NPAS3: variants seen among roughly 807,000 people sequenced by gnomAD.
NPAS3 encodes neuronal PAS domain protein 3, also known as neuronal PAS domain-containing protein 3.
In NPAS3, 14 loss-of-function variants were observed where a neutral mutation model predicts 73.1. That is an observed-to-expected ratio of 0.19 (90% CI 0.13 to 0.30). The LOEUF (loss-of-function observed/expected upper bound fraction) is 0.30, where lower values mean the gene tolerates loss of function less well. Among genes scored for constraint, NPAS3 ranks in the 10% least tolerant of loss-of-function variants. NPAS3 has a pLI of 1.00. For missense variants in NPAS3, 1,096 were observed against 1,250.0 expected (o/e 0.88, Z 1.86); for synonymous variants, 620 against 541.5 (o/e 1.14, Z -2.01).
At chr14:33,801,404 T>A (rs1047569953), downstream of NPAS3, 29 of 446,398 alleles carry the variant, frequency 6.5e-5, no homozygotes, top group African/African-American at 3.4e-4. Context: ...ATGTCTTTCA[T>A]GTGTATATGC....
At chr14:33,014,632 T>G (rs2039329978) in intron 1 of NPAS3, among the ~76,000 whole-genome samples, 1 of 152,162 alleles carries the variant, frequency 6.6e-6, no homozygotes, top group Admixed American at 6.5e-5. Flanking sequence ...AGTAAATAAA[T>G]TTGTTGAACT....
chr14:33,137,326 G>C (rs2043877920), intron 2 of NPAS3, among the ~76,000 whole-genome samples: 1 of 152,128 alleles, frequency 6.6e-6, no homozygotes, highest in African/African-American at 2.4e-5. Context: ...CTTTGATGTA[G>C]CCTCTGGCAA....
rs371093255 is a variant in NPAS3, at chr14:33,705,514, G to A, written c.733+29129G>A. Among the ~76,000 whole-genome samples, 63 of 152,282 alleles carry A rather than the reference G, an allele frequency of 4.1e-4. No individual in the cohort carries two copies. The South Asian group carries it at 0.013, about 31-fold the overall frequency. ...AATCGGCTACTGTATTTAAATGGAA[G>A]AATGAAAAAGACTTTCTTTTGTTGC... On this transcript the variant is annotated intron_variant, in intron 6 of 11. Transcript: ENST00000356141.
chr14:33,151,452 C>T (rs147554965), intron 2 of NPAS3, among the ~76,000 whole-genome samples: 65 of 152,334 alleles, frequency 4.3e-4, no homozygotes, highest in African/African-American at 1.3e-3. Context: ...CAACGACTTC[C>T]GTCAGTTTGT....
chr14:33,299,767 T>TC (rs1315097714), intron 3 of NPAS3, among the ~76,000 whole-genome samples: 1 of 152,194 alleles, frequency 6.6e-6, no homozygotes, highest in Non-Finnish European at 1.5e-5. Context: ...CATTTTTTTT[T>TC]CTTTGGAGTG....
Position 33,194,365 on chromosome 14 carries a change from T to A in NPAS3, c.141-20817T>A, listed in dbSNP as rs531488744. ...TTCATTTACCCAAACTTAGAATACT[T>A]AGAGTTTGGGCCTTTTGGAACTTTG... is the stretch of plus-strand genomic sequence containing the variant. On this transcript the variant is annotated intron_variant, in intron 2 of 11. Coordinates refer to ENST00000356141, the Ensembl canonical transcript of NPAS3. Among the ~76,000 whole-genome samples the A allele has an allele frequency of 5.3e-4, 81 of 152,286 alleles. 2 individuals are homozygous for A. Among genetic ancestry groups the A allele is most frequent in the South Asian group, 4.6e-3 (22 of 4,824 alleles).
At chr14:33,605,319 G>T (rs150972289) in intron 5 of NPAS3, among the ~76,000 whole-genome samples, 1 of 150,016 alleles carries the variant, frequency 6.7e-6, no homozygotes, top group African/African-American at 2.4e-5. Flanking sequence ...TGCTCTTGCC[G>T]CTTTAATGTG....
At chr14:33,215,067 G>A (rs1283952636) in intron 2 of NPAS3, 115 bp from the exon 3 acceptor site, 1 of 1,111,074 alleles carries the variant, frequency 9.0e-7, no homozygotes, top group Non-Finnish European at 1.3e-6. Context: ...CTCTAGTTTT[G>A]AAATAGTTTT....
chr14:33,667,328 A>C (rs1328608217), intron 5 of NPAS3, among the ~76,000 whole-genome samples: 1 of 152,210 alleles, frequency 6.6e-6, no homozygotes, highest in East Asian at 1.9e-4. Context: ...AAAATGCCAG[A>C]TTACATGTGT....
intron 2 of NPAS3, among the ~76,000 whole-genome samples, chr14:33,170,495 TTTGAC>T (rs1367966382): frequency 6.6e-6 from 1 of 152,200 alleles, no homozygotes; most frequent in Non-Finnish European, 1.5e-5. Flanking sequence ...CATTGATTGA[TTTGAC>T]CTTTCATTAA....
intron 7 of NPAS3, among the ~76,000 whole-genome samples, chr14:33,755,880 G>A (rs1384971451): frequency 6.6e-6 from 1 of 152,094 alleles, no homozygotes; most frequent in East Asian, 1.9e-4. Context: ...TGATGCCATG[G>A]AAAGAGAGGA....
rs543700285 is a variant in NPAS3, at chr14:33,169,633, C to T, written c.141-45549C>T. On this transcript the variant is annotated intron_variant, in intron 2 of 11. Transcript: ENST00000356141. ...TAGTATTTTAAAATCTTTACCAATGCATTTCATTTTTGTTAGGATTTTATT... is the reference window on the plus strand; with the variant it reads ...TAGTATTTTAAAATCTTTACCAATGTATTTCATTTTTGTTAGGATTTTATT... 5.3e-5 allele frequency among the ~76,000 whole-genome samples: 8 copies of T among 152,246 alleles called. No individual in the cohort carries two copies. The South Asian group carries it at 6.2e-4, about 12-fold the overall frequency.
At chr14:33,427,742 A>G (rs1350596709) in intron 4 of NPAS3, among the ~76,000 whole-genome samples, 1 of 152,112 alleles carries the variant, frequency 6.6e-6, no homozygotes, top group Admixed American at 6.6e-5. Context: ...CTGTATTCCT[A>G]ACACTCAGAA....
rs562408643 is a variant in NPAS3 at position 33,680,601 on chromosome 14, A to G, written c.733+4216A>G. The G allele has an allele frequency of 1.0e-4, 71 of 702,692 alleles. 1 individual carries two copies. In the South Asian group the frequency reaches 1.1e-3, roughly 10 times the overall value. The allele number at this position is 702,692 out of a possible 1,614,324, so 43.5% of individuals were successfully genotyped here. On this transcript the variant is annotated intron_variant, in intron 6 of 11. Coordinates refer to ENST00000356141, the Ensembl canonical transcript of NPAS3. ...AAGATAAAATTCCCTTTCTGTCTCC[A>G]GTGGTTTGCTTCCCACCAGCGAGTG... is the stretch of plus-strand genomic sequence containing the variant.
At chr14:33,141,992 T>G in intron 2 of NPAS3, among the ~76,000 whole-genome samples, 1 of 152,166 alleles carries the variant, frequency 6.6e-6, no homozygotes, top group East Asian at 1.9e-4. Flanking sequence ...TGAAAATCAC[T>G]TAATATTAAA....
chr14:33,652,154 G>A (rs974029459), intron 5 of NPAS3, among the ~76,000 whole-genome samples: 1 of 152,166 alleles, frequency 6.6e-6, no homozygotes, highest in African/African-American at 2.4e-5. Flanking sequence ...AAAACTGTGA[G>A]TCACTGTGAA....
intron 5 of NPAS3, among the ~76,000 whole-genome samples, chr14:33,652,561 C>T (rs181651653): frequency 8.5e-5 from 13 of 152,258 alleles, no homozygotes; most frequent in South Asian, 4.2e-4. Flanking sequence ...CACAGGGGAC[C>T]GCCGGCAACT....
chr14:33,258,037 AC>A (rs1414860638), intron 3 of NPAS3, among the ~76,000 whole-genome samples: 2 of 152,206 alleles, frequency 1.3e-5, no homozygotes, highest in African/African-American at 4.8e-5. Context: ...GGAGAGTAGC[AC>A]AGCAAAGTAA....
intron 4 of NPAS3, among the ~76,000 whole-genome samples, chr14:33,455,729 A>G (rs1405541410): frequency 6.6e-6 from 1 of 152,172 alleles, no homozygotes; most frequent in Non-Finnish European, 1.5e-5. Flanking sequence ...CCTGACATAA[A>G]CTAATGATGT....
Sources: gnomAD v4.1 joint callset for allele counts (sites outside exome capture counted in the v4.1 genomes callset) on GRCh38, gnomAD v4.1.1 for gene constraint, MANE v1.5 for transcripts, NCBI Gene and HGNC (gene_info 2026-07-23, HGNC 2026-07-21) for gene names.